Variants in LRP1B observed in about 807,000 individuals in gnomAD.
The protein encoded by LRP1B is low-density lipoprotein receptor-related protein 1B.
In LRP1B, 217 loss-of-function variants were observed where a neutral mutation model predicts 556.6. That is an observed-to-expected ratio of 0.39 (90% CI 0.35 to 0.44). The LOEUF is 0.44. LRP1B is among the 20% of genes least tolerant of loss of function. The pLI, the probability that LRP1B is intolerant of heterozygous loss-of-function variation, is 1.00. For synonymous variants in LRP1B, 2,047 were observed against 1,865.8 expected (o/e 1.10, Z -2.50); for missense variants, 5,053 against 5,620.8 (o/e 0.90, Z 3.23).
rs754051799 is a variant in LRP1B at position 140,233,146 on chromosome 2, T to C, written c.*40A>G. 1 of 1,341,576 alleles carries C rather than the reference T, an allele frequency of 7.5e-7. No homozygotes were observed. The highest frequency in any genetic ancestry group is 1.0e-6 in the Non-Finnish European group (1 of 973,526). The allele number at this position is 1,341,576 out of a possible 1,614,324, so 83.1% of individuals were successfully genotyped here. Reference sequence around the variant, plus strand: ...TTGGAACATACAAAAGTAATCCTTATATTTTATACATTTATACAGCATATA... The same window carrying C: ...TTGGAACATACAAAAGTAATCCTTACATTTTATACATTTATACAGCATATA... On this transcript the variant is annotated 3_prime_UTR_variant, in exon 91 of 91. Transcript: ENST00000389484.
intron 20 of LRP1B, among the ~76,000 whole-genome samples, chr2:140,936,033 A>G (rs1055711982): frequency 6.7e-6 from 1 of 150,288 alleles, no homozygotes; most frequent in Admixed American, 6.7e-5. Context: ...GTAAATTCAA[A>G]GTGTCAAAAG....
intron 1 of LRP1B, among the ~76,000 whole-genome samples, chr2:141,976,615 A>T (rs1701895082): frequency 6.6e-6 from 1 of 152,156 alleles, no homozygotes; most frequent in Non-Finnish European, 1.5e-5. Flanking sequence ...TGTTAGGTTA[A>T]GAATATAGTG....
Position 141,924,203 on chromosome 2 carries a change from T to C in LRP1B, c.83-113802A>G, listed in dbSNP as rs112226863. Among the ~76,000 whole-genome samples, 1,067 of 151,970 alleles carry C rather than the reference T, an allele frequency of 7.0e-3. 13 individuals are homozygous for C. The highest frequency in any genetic ancestry group is 0.024 in the African/African-American group (1,009 of 41,458). On this transcript the variant is annotated intron_variant, in intron 1 of 90. Transcript: ENST00000389484. ...GGAGATGAGGAGACAAGCAGGTGAA[T>C]GGCAGAACGGTGTAGCAGGGAAAGA...
At chr2:141,123,351 A>G (rs1379330932) in intron 7 of LRP1B, among the ~76,000 whole-genome samples, 1 of 151,986 alleles carries the variant, frequency 6.6e-6, no homozygotes, top group African/African-American at 2.4e-5. Flanking sequence ...CTTTTACAAT[A>G]CTAGATTTGG....
chr2:141,400,330 T>C (rs1034916137), intron 3 of LRP1B, among the ~76,000 whole-genome samples: 3 of 152,202 alleles, frequency 2.0e-5, no homozygotes, highest in African/African-American at 4.8e-5. Context: ...AGGATTGTTT[T>C]CACAAATTAA....
At chr2:142,037,160 A>T (rs1412909886) in intron 1 of LRP1B, among the ~76,000 whole-genome samples, 1 of 151,620 alleles carries the variant, frequency 6.6e-6, no homozygotes, top group Non-Finnish European at 1.5e-5. Context: ...GGCTATTGTG[A>T]ATTCTGAATT....
Position 140,881,032 on chromosome 2 carries a change from A to T in LRP1B, c.4169+2785T>A, listed in dbSNP as rs933020024. On this transcript the variant is annotated intron_variant, in intron 25 of 90. Coordinates refer to ENST00000389484, the MANE Select transcript of LRP1B (RefSeq NM_018557.3). ...ATATAAATCATATTTCTCAATAATT[A>T]GTGAATTTTATCTAAAATTAAAAAT... Among the ~76,000 whole-genome samples, 65 of 152,168 alleles carry T rather than the reference A, an allele frequency of 4.3e-4. 1 individual carries two copies. Among genetic ancestry groups the T allele is most frequent in the Admixed American group, 4.3e-3 (65 of 15,260 alleles).
chr2:140,499,097 C>T (rs1047358497), intron 55 of LRP1B, among the ~76,000 whole-genome samples: 1 of 151,778 alleles, frequency 6.6e-6, no homozygotes, highest in Non-Finnish European at 1.5e-5. Flanking sequence ...AATGAAAACA[C>T]TGGCATTTAT....
intron 8 of LRP1B, among the ~76,000 whole-genome samples, chr2:141,060,739 C>G (rs1558832999): frequency 6.6e-6 from 1 of 151,754 alleles, no homozygotes; most frequent in Non-Finnish European, 1.5e-5. Flanking sequence ...TCAGAAAAGA[C>G]TGTTTCCCCT....
At chr2:141,730,206 G>A (rs1693218157) in intron 2 of LRP1B, among the ~76,000 whole-genome samples, 1 of 152,106 alleles carries the variant, frequency 6.6e-6, no homozygotes, top group Non-Finnish European at 1.5e-5. Context: ...CCACCATACT[G>A]TGCAAGAGAC....
At chr2:140,753,059 C>T (rs1022795475) in intron 35 of LRP1B, among the ~76,000 whole-genome samples, 3 of 152,166 alleles carry the variant, frequency 2.0e-5, no homozygotes, top group Non-Finnish European at 4.4e-5. Flanking sequence ...CATCCCCTGG[C>T]AAACCATTGA....
intron 35 of LRP1B, among the ~76,000 whole-genome samples, chr2:140,732,147 C>T (rs899392922): frequency 2.0e-5 from 3 of 150,038 alleles, no homozygotes; most frequent in Admixed American, 6.7e-5. Flanking sequence ...GTGATGGGTA[C>T]GTGGGAGGGG....
intron 3 of LRP1B, among the ~76,000 whole-genome samples, chr2:141,365,634 TG>T (rs1688996863): frequency 6.8e-6 from 1 of 147,802 alleles, no homozygotes; most frequent in Non-Finnish European, 1.5e-5. Context: ...TTCTAATTTT[TG>T]TTTTGGTTTG....
At chr2:140,577,707 G>A (rs1044295953) in intron 43 of LRP1B, among the ~76,000 whole-genome samples, 1 of 152,062 alleles carries the variant, frequency 6.6e-6, no homozygotes, top group Non-Finnish European at 1.5e-5. Context: ...ATGGACATGA[G>A]CCACCAAACC....
intron 2 of LRP1B, among the ~76,000 whole-genome samples, chr2:141,595,039 T>C (rs1343853868): frequency 1.3e-5 from 2 of 152,082 alleles, no homozygotes; most frequent in African/African-American, 2.4e-5. Context: ...AAAATCCTAA[T>C]TCATGAAAGA....
intron 7 of LRP1B, among the ~76,000 whole-genome samples, chr2:141,096,446 G>A (rs958390528): frequency 1.1e-4 from 16 of 152,110 alleles, no homozygotes; most frequent in African/African-American, 3.1e-4. Flanking sequence ...AAATTATCCC[G>A]GGATGATGAT....
At chr2:140,319,860 C>T (rs564989811) in intron 82 of LRP1B, among the ~76,000 whole-genome samples, 13 of 152,254 alleles carry the variant, frequency 8.5e-5, no homozygotes, top group African/African-American at 2.9e-4. Flanking sequence ...ATCCCAGTGC[C>T]ATGATGGCAT....
intron 2 of LRP1B, among the ~76,000 whole-genome samples, chr2:141,528,120 C>A (rs1239859117): frequency 6.6e-6 from 1 of 151,652 alleles, no homozygotes; most frequent in Admixed American, 6.6e-5. Context: ...CTCCACGCTC[C>A]CTCTTCCAGT....
At chr2:140,637,150 C>A (rs889729730) in intron 41 of LRP1B, among the ~76,000 whole-genome samples, 1 of 152,028 alleles carries the variant, frequency 6.6e-6, no homozygotes, top group African/African-American at 2.4e-5. Context: ...CAGAGATCAC[C>A]TTAGGGGCAG....
Sources: allele counts gnomAD v4.1 joint callset (sites outside exome capture counted in the v4.1 genomes callset), GRCh38; gene constraint gnomAD v4.1.1; transcripts MANE v1.5; gene names NCBI Gene and HGNC (gene_info 2026-07-23, HGNC 2026-07-21).